The following DCC variants were observed in gnomAD, a reference collection of about 807,000 sequenced individuals.
DCC encodes netrin receptor DCC.
Under a neutral mutation model 172.5 loss-of-function variants are expected in DCC, and 58 were observed. That is an observed-to-expected ratio of 0.34 (90% confidence interval 0.27 to 0.42). The LOEUF is 0.42. DCC is among the 10% of genes least tolerant of loss of function. DCC has a pLI of 1.00. For missense variants in DCC, 1,740 were observed against 1,791.0 expected, an observed-to-expected ratio of 0.97 and a Z score of 0.51; for synonymous variants, 709 against 644.5, an observed-to-expected ratio of 1.10 and a Z score of -1.52.
intron 12 of DCC, among the ~76,000 whole-genome samples, chr18:53,251,217 C>T (rs74833941): frequency 0.032 from 4,910 of 151,942 alleles, 268 homozygotes; most frequent in African/African-American, 0.11. Context: ...GTCTGTTCAC[C>T]GCTTAAAAAT....
chr18:53,486,631 C>T (rs1373089748), intron 25 of DCC, among the ~76,000 whole-genome samples, 166 bp from the exon 26 acceptor site: 1 of 152,100 alleles, frequency 6.6e-6, no homozygotes, highest in Non-Finnish European at 1.5e-5. Context: ...GCTGTCTTTT[C>T]TAAAGTAAAA....
chr18:52,493,944 C>T, intron 1 of DCC, among the ~76,000 whole-genome samples: 1 of 152,118 alleles, frequency 6.6e-6, no homozygotes, highest in Admixed American at 6.6e-5. Flanking sequence ...TTCTGTTTCT[C>T]ATCATTCCAT....
chr18:52,342,150 G>A (rs2144219923), intron 1 of DCC, among the ~76,000 whole-genome samples: 1 of 152,304 alleles, frequency 6.6e-6, no homozygotes, highest in Non-Finnish European at 1.5e-5. Context: ...AAGCGCCAAG[G>A]CAGCCCGAGG....
At chr18:53,327,061 A>AC (rs779704287) in intron 14 of DCC, among the ~76,000 whole-genome samples, 42 of 152,178 alleles carry the variant, frequency 2.8e-4, no homozygotes, top group South Asian at 2.7e-3. Context: ...GTTAAAGGAA[A>AC]CCCCTGCCTC....
intron 20 of DCC, among the ~76,000 whole-genome samples, chr18:53,411,087 A>C (rs939790561): frequency 6.6e-6 from 1 of 150,862 alleles, no homozygotes; most frequent in Non-Finnish European, 1.5e-5. Flanking sequence ...GTTCCAAACC[A>C]AAAAAAAAGT....
At chr18:53,507,658 AATG>A (rs1206582007) in intron 27 of DCC, among the ~76,000 whole-genome samples, 1 of 152,182 alleles carries the variant, frequency 6.6e-6, no homozygotes, top group Non-Finnish European at 1.5e-5. Flanking sequence ...GGTGGAAAAC[AATG>A]ATAAGTAAGC....
chr18:53,345,725 G>C (rs949594342), intron 15 of DCC, among the ~76,000 whole-genome samples: 2 of 151,072 alleles, frequency 1.3e-5, no homozygotes, highest in African/African-American at 4.8e-5. Context: ...TTTTCTGAAG[G>C]ATATTTTCAC....
intron 7 of DCC, among the ~76,000 whole-genome samples, chr18:53,104,506 A>G (rs1450189703): frequency 6.6e-6 from 1 of 152,020 alleles, no homozygotes; most frequent in Non-Finnish European, 1.5e-5. Flanking sequence ...AGCCATGTGG[A>G]ACTGTAAGTC....
At chr18:53,179,437 C>T (rs903443524) in intron 9 of DCC, among the ~76,000 whole-genome samples, 23 of 152,168 alleles carry the variant, frequency 1.5e-4, no homozygotes, top group African/African-American at 5.5e-4. Context: ...TCAGCCTCCT[C>T]TGTTGAATTT....
At chr18:53,425,501 A>C (rs1365312608) in intron 21 of DCC, among the ~76,000 whole-genome samples, 1 of 151,460 alleles carries the variant, frequency 6.6e-6, no homozygotes, top group Non-Finnish European at 1.5e-5. Context: ...ATGGGATTAC[A>C]GTCCCCTGCC....
intron 12 of DCC, among the ~76,000 whole-genome samples, chr18:53,222,469 C>G (rs573251890): frequency 6.9e-6 from 1 of 145,556 alleles, no homozygotes; most frequent in African/African-American, 2.5e-5. Context: ...ACTGCAACCT[C>G]TGCCTTCTGG....
intron 7 of DCC, among the ~76,000 whole-genome samples, chr18:53,081,312 G>A (rs1406039233): frequency 6.6e-6 from 1 of 152,004 alleles, no homozygotes; most frequent in Non-Finnish European, 1.5e-5. Flanking sequence ...ACTATGGTTT[G>A]AATGGCCTAC....
intron 1 of DCC, among the ~76,000 whole-genome samples, chr18:52,542,283 T>C (rs944592388): frequency 6.6e-6 from 1 of 151,762 alleles, no homozygotes; most frequent in African/African-American, 2.4e-5. Flanking sequence ...AATAAATGAG[T>C]GTAAATGTTC....
intron 1 of DCC, among the ~76,000 whole-genome samples, chr18:52,396,560 A>G (rs1481081371): frequency 1.3e-5 from 2 of 151,986 alleles, no homozygotes; most frequent in African/African-American, 4.8e-5. Context: ...GAGCATCTCC[A>G]TCCCTTGTTA....
chr18:53,321,227 C>T (rs550505099), intron 13 of DCC, among the ~76,000 whole-genome samples: 17 of 152,196 alleles, frequency 1.1e-4, no homozygotes, highest in East Asian at 5.8e-4. Flanking sequence ...TCTTTATCAG[C>T]GTTGTTTAAT....
At chr18:53,000,264 G>A (rs2143840022) in intron 5 of DCC, among the ~76,000 whole-genome samples, 1 of 152,180 alleles carries the variant, frequency 6.6e-6, no homozygotes, top group Non-Finnish European at 1.5e-5. Flanking sequence ...TTTGATAAAT[G>A]AAATGAATTG....
At chr18:52,659,614 G>C (rs2035318520) in intron 1 of DCC, among the ~76,000 whole-genome samples, 1 of 152,202 alleles carries the variant, frequency 6.6e-6, no homozygotes. Context: ...AACATGTGCA[G>C]ATGCCCTGAG....
chr18:52,875,540 C>A (rs1033689048), intron 2 of DCC, among the ~76,000 whole-genome samples: 13 of 152,120 alleles, frequency 8.5e-5, no homozygotes, highest in Non-Finnish European at 1.3e-4. Context: ...GTATCATCCC[C>A]AACTGTTGAT....
At chr18:53,514,249 CCAA>C (rs1568180426) in intron 27 of DCC, among the ~76,000 whole-genome samples, 1 of 151,984 alleles carries the variant, frequency 6.6e-6, no homozygotes. Flanking sequence ...TTCTTTGAAA[CCAA>C]CGAGAACAAA....
Sources: allele counts gnomAD v4.1 joint callset (sites outside exome capture counted in the v4.1 genomes callset), GRCh38; gene constraint gnomAD v4.1.1; transcripts MANE v1.5; gene names NCBI Gene and HGNC (gene_info 2026-07-23, HGNC 2026-07-21).